PIK3CG: variants seen among roughly 807,000 people sequenced by gnomAD.
PIK3CG encodes the protein phosphatidylinositol 4,5-bisphosphate 3-kinase catalytic subunit gamma isoform.
In PIK3CG, 55 loss-of-function variants were observed where a neutral mutation model predicts 102.3. The ratio of observed to expected loss-of-function variants is 0.54; its 90% CI spans 0.43 to 0.67. The LOEUF (loss-of-function observed/expected upper bound fraction) is 0.67. PIK3CG is among the 30% of genes least tolerant of loss of function. PIK3CG has a pLI of 0.00. For synonymous variants in PIK3CG, 552 were observed against 540.0 expected (o/e 1.02, Z -0.31); for missense variants, 1,258 against 1,391.8 (o/e 0.90, Z 1.53).
At position 106,867,837 on chromosome 7, in the gene PIK3CG, A is replaced by T. The variant is rs1356495027; in HGVS notation, c.276A>T (p.Gly92=). Residue 92 remains glycine (G), a synonymous_variant, in exon 2 of 11, where the codon GGA becomes GGT. Transcript: ENST00000496166. This position sits in a 1 kb window ranked among gnomAD's most constrained non-coding sequence, Gnocchi z 5.1. Reference sequence around the variant, plus strand: ...CGGCGGACTTCTACCACCGGCTGGGACCGCATCACTTCCTCCTGCTCTATC... The same window carrying T: ...CGGCGGACTTCTACCACCGGCTGGGTCCGCATCACTTCCTCCTGCTCTATC... ...SVAADFYHRL[G]PHHFLLLYQK... 3 of 1,612,606 alleles carry T rather than the reference A, an allele frequency of 1.9e-6. No homozygotes were observed. The highest frequency in any genetic ancestry group is 2.2e-5 in the East Asian group (1 of 44,872).
chr7:106,878,564 A>G (rs1321916716), intron 5 of PIK3CG, among the ~76,000 whole-genome samples: 2 of 152,168 alleles, frequency 1.3e-5, no homozygotes, highest in Admixed American at 6.5e-5. Flanking sequence ...ATCTGGGGCA[A>G]TTACAGGGCT....
rs1429330603 is a variant in PIK3CG at position 106,880,158 on chromosome 7, G to A, written c.2538+493G>A. On this transcript the variant is annotated intron_variant, in intron 6 of 10. Transcript: ENST00000496166. This position sits in a 1 kb window ranked among gnomAD's most constrained non-coding sequence, Gnocchi z 4.2. ...AGGTAAGTGACAAGAGTGAAGTACT[G>A]TTAGGGCAGAAGGTGAATGGTCAAT... Among the ~76,000 whole-genome samples the A allele has an allele frequency of 6.6e-6, 1 of 152,234 alleles. No individual in the cohort carries two copies. The highest frequency in any genetic ancestry group is 1.9e-4 in the East Asian group (1 of 5,196).
rs1790808316 is a variant in PIK3CG at position 106,877,906 on chromosome 7, A to T, written c.2392-1613A>T. Among the ~76,000 whole-genome samples, 1 of 152,238 alleles carries T rather than the reference A, an allele frequency of 6.6e-6. No individual in the cohort carries two copies. The highest frequency in any genetic ancestry group is 1.5e-5 in the Non-Finnish European group (1 of 68,042). ...CTATATATGTTATAAATGGCACAAT[A>T]AGTTACTATTTTTGCCCTAAACAGT... On this transcript the variant is annotated intron_variant, in intron 5 of 10. Coordinates refer to ENST00000496166, the MANE Select transcript of PIK3CG (RefSeq NM_001282426.2). The surrounding 1 kb of genome is among the most constrained non-coding windows in gnomAD (Gnocchi z 4.5).
chr7:106,870,213 G>A (rs1790485203), intron 2 of PIK3CG, among the ~76,000 whole-genome samples: 1 of 152,184 alleles, frequency 6.6e-6, no homozygotes, highest in Non-Finnish European at 1.5e-5. Context: ...TCATATCTGG[G>A]TAGAGTCTTG....
rs752158425 is a variant in PIK3CG, at chr7:106,905,394, A to C, written c.*7A>C. The C allele has an allele frequency of 1.9e-6, 3 of 1,605,692 alleles. No individual in the cohort carries two copies. In the African/African-American group the frequency reaches 4.0e-5, roughly 22 times the overall value. On this transcript the variant is annotated 3_prime_UTR_variant, in exon 11 of 11. Transcript: ENST00000496166. The surrounding 1 kb of genome is among the most constrained non-coding windows in gnomAD (Gnocchi z 5.6). ...AGAGAAACATTCAGCCTAATACTTT[A>C]GGCTAGAATCAAAAACAAGTTAGTG...
At chr7:106,875,909 GTT>G in intron 5 of PIK3CG, among the ~76,000 whole-genome samples, 1 of 123,084 alleles carries the variant, frequency 8.1e-6, no homozygotes. Context: ...TTTTTTTTTT[GTT>G]TTTTTTTTTT....
In PIK3CG at chr7:106,872,520, A is replaced by G. The variant is rs781262102; in HGVS notation, c.1996-17A>G. ...ATAGAGTACAGTCCTACAAATGCCA[A>G]TGTGTTCTTCCTTTAGGCTGTGAAA... On this transcript the variant is annotated splice_polypyrimidine_tract_variant and intron_variant, in intron 2 of 10. Coordinates refer to ENST00000496166, the MANE Select transcript of PIK3CG (RefSeq NM_001282426.2). The surrounding 1 kb of genome is among the most constrained non-coding windows in gnomAD (Gnocchi z 5.3). The G allele has an allele frequency of 6.8e-6, 11 of 1,605,872 alleles. No homozygotes were observed. The highest frequency in any genetic ancestry group is 1.3e-5 in the African/African-American group (1 of 74,974).
chr7:106,906,159 T>A lies in PIK3CG; in HGVS notation c.*772T>A, dbSNP rs575497574. On this transcript the variant is annotated 3_prime_UTR_variant, in exon 11 of 11. Coordinates refer to ENST00000496166, the MANE Select transcript of PIK3CG (RefSeq NM_001282426.2). Reference sequence around the variant, plus strand: ...GGAAGTAACTACAGGGCCTCTTTTATGCCTGACATTTCTTCCCTTCCTTTT... The same window carrying A: ...GGAAGTAACTACAGGGCCTCTTTTAAGCCTGACATTTCTTCCCTTCCTTTT... The A allele has an allele frequency of 4.9e-4, 113 of 228,862 alleles. 1 individual carries two copies. The highest frequency in any genetic ancestry group is 2.4e-3 in the African/African-American group (109 of 44,962). The allele number at this position is 228,862 out of a possible 1,614,324, so 14.2% of individuals were successfully genotyped here. A position where few individuals can be genotyped will look rare whatever the true frequency, so the allele number is the denominator to read the frequency against.
intron 5 of PIK3CG, among the ~76,000 whole-genome samples, chr7:106,878,614 A>T (rs1047853764): frequency 6.6e-6 from 1 of 152,192 alleles, no homozygotes; most frequent in Admixed American, 6.5e-5. Flanking sequence ...TCACGGACCT[A>T]CACTGCCTGT....
In PIK3CG at chr7:106,880,111, T is replaced by C. The variant is rs532181341; in HGVS notation, c.2538+446T>C. Among the ~76,000 whole-genome samples, 9 of 152,282 alleles carry C rather than the reference T, an allele frequency of 5.9e-5. No individual in the cohort carries two copies. The East Asian group carries it at 1.7e-3, about 29-fold the overall frequency. ...TATGGGAAGGAGAAAGATGAACAAG[T>C]AGGTCACCACAGAAATCCTGCAGGT... On this transcript the variant is annotated intron_variant, in intron 6 of 10. Transcript: ENST00000496166. This position sits in a 1 kb window ranked among gnomAD's most constrained non-coding sequence, Gnocchi z 4.2.
chr7:106,867,477 CCCTCATCTCA>C lies in PIK3CG; in HGVS notation c.-12-70_-12-61del, dbSNP rs1267390031. On this transcript the variant is annotated intron_variant, in intron 1 of 10. Coordinates refer to ENST00000496166, the MANE Select transcript of PIK3CG (RefSeq NM_001282426.2). The surrounding 1 kb of genome is among the most constrained non-coding windows in gnomAD (Gnocchi z 5.1). The stretch of plus-strand genomic sequence containing the variant: ...ATGTACGCCGCCTATACCTCCTCTT[CCCTCATCTCA>C]CCAGAAAATATAAGGGGAAAGTGCC... 20 of 1,371,904 alleles carry C rather than the reference CCCTCATCTCA, an allele frequency of 1.5e-5. No individual in the cohort carries two copies. Among genetic ancestry groups the C allele is most frequent in the Non-Finnish European group, 1.9e-5 (19 of 1,004,824 alleles). 85.0% of individuals were successfully genotyped at this position (1,371,904 alleles called of 1,614,324 possible).
rs139231934 is a variant in PIK3CG, at chr7:106,874,781, G to T, written c.2369G>T (p.Gly790Val). ...AGCTTTAGAGTTCCATATGATCCTG[G>T]ACTGAAAGCAGGAGCGCTGGCAGTA... is the stretch of plus-strand genomic sequence containing the variant. ...PESFRVPYDPGLKAGALAIEK... is the reference protein window; with the variant it reads ...PESFRVPYDPVLKAGALAIEK... The change falls in exon 5 of 11, where the codon GGA becomes GTA. Residue 790 changes from glycine to valine, a missense_variant. Transcript: ENST00000496166. The surrounding 1 kb of genome is among the most constrained non-coding windows in gnomAD (Gnocchi z 4.3). The T allele has an allele frequency of 1.3e-4, 202 of 1,612,824 alleles. No individual in the cohort carries two copies. In the African/African-American group the frequency reaches 2.3e-3, roughly 19 times the overall value.
In PIK3CG at chr7:106,867,457, C is replaced by T; in HGVS notation, c.-12-93C>T. ...CCCTCTGGGTCCCTGTGCACATGTA[C>T]GCCGCCTATACCTCCTCTTCCCTCA... On this transcript the variant is annotated intron_variant, in intron 1 of 10. Coordinates refer to ENST00000496166, the MANE Select transcript of PIK3CG (RefSeq NM_001282426.2). This position sits in a 1 kb window ranked among gnomAD's most constrained non-coding sequence, Gnocchi z 5.1. 1.7e-6 allele frequency: 2 copies of T among 1,165,942 alleles called. No individual in the cohort carries two copies. The highest frequency in any genetic ancestry group is 2.4e-6 in the Non-Finnish European group (2 of 819,268). 72.2% of individuals were successfully genotyped at this position (1,165,942 alleles called of 1,614,324 possible).
chr7:106,889,370 G>T (rs1030792886), intron 10 of PIK3CG, among the ~76,000 whole-genome samples: 33 of 151,760 alleles, frequency 2.2e-4, no homozygotes, highest in Admixed American at 1.3e-4. Flanking sequence ...TTTACATACT[G>T]CTAAGCCTTC....
chr7:106,905,258 T>G lies in PIK3CG; in HGVS notation c.3180T>G (p.Asn1060Lys), dbSNP rs780276379. 11 of 1,613,672 alleles carry G rather than the reference T, an allele frequency of 6.8e-6. No individual in the cohort carries two copies. Among genetic ancestry groups the G allele is most frequent in the Non-Finnish European group, 9.3e-6 (11 of 1,179,946 alleles). ...GGGATGCCCTCACAGTGGGGAAAAA[T>G]GAGGAGGATGCTAAAAAGTATTTTC... ...YIRDALTVGK[N>K]EEDAKKYFLD... The change falls in exon 11 of 11, where the codon AAT (asparagine) becomes AAG (lysine). Residue 1060 changes from asparagine (N) to lysine (K), a missense_variant. Physicochemically the swap from Asn to Lys is moderately conservative, Grantham distance 94. Around this residue, in one of 2 missense-constraint regions of PIK3CG, gnomAD observed 426 missense variants for 604.2 expected, o/e 0.71. Coordinates refer to ENST00000496166, the MANE Select transcript of PIK3CG (RefSeq NM_001282426.2). The surrounding 1 kb of genome is among the most constrained non-coding windows in gnomAD (Gnocchi z 5.6).
chr7:106,887,741 A>G (rs907256575), intron 10 of PIK3CG, among the ~76,000 whole-genome samples: 2 of 152,000 alleles, frequency 1.3e-5, no homozygotes, highest in African/African-American at 4.8e-5. Context: ...TTCCTGGAAC[A>G]GAGAAATGGT....
At chr7:106,887,856 C>T (rs1184969014) in intron 10 of PIK3CG, among the ~76,000 whole-genome samples, 3 of 150,390 alleles carry the variant, frequency 2.0e-5, no homozygotes, top group South Asian at 2.1e-4. Context: ...CTGTTTGCTT[C>T]GGACAAACAG....
intron 6 of PIK3CG, among the ~76,000 whole-genome samples, chr7:106,881,473 A>T (rs561828491): frequency 2.0e-5 from 3 of 152,328 alleles, no homozygotes; most frequent in South Asian, 4.1e-4. Flanking sequence ...AGGATGTTAG[A>T]GTTTTGTGGT....
intron 10 of PIK3CG, among the ~76,000 whole-genome samples, chr7:106,901,950 C>T (rs1014719583): frequency 6.6e-6 from 1 of 152,152 alleles, no homozygotes; most frequent in African/African-American, 2.4e-5. Flanking sequence ...CAGTTGCAGC[C>T]ATGTTCTCTC....
Sources: gnomAD v4.1 joint callset for allele counts (sites outside exome capture counted in the v4.1 genomes callset) on GRCh38, gnomAD v4.1.1 for gene constraint, gnomAD v4.1.1 regional missense constraint, Gnocchi (gnomAD v3.1) non-coding constraint, MANE v1.5 for transcripts, NCBI Gene and HGNC (gene_info 2026-07-23, HGNC 2026-07-21) for gene names.